The following INVS variants were observed in gnomAD, a reference collection of about 807,000 sequenced individuals.
INVS encodes inversin, also known as inversion of embryo turning homolog.
INVS carries 86 observed loss-of-function variants against 108.8 expected under a neutral mutation model. The ratio of observed to expected loss-of-function variants is 0.79; its 90% CI spans 0.66 to 0.95. The LOEUF (loss-of-function observed/expected upper bound fraction) is 0.95, where lower values mean the gene tolerates loss of function less well. INVS is among the 40% of genes least tolerant of loss of function. INVS has a pLI of 0.00. For missense variants in INVS, 1,169 were observed against 1,297.4 expected, an observed-to-expected ratio of 0.90 and a Z score of 1.52; for synonymous variants, 455 against 473.5, an observed-to-expected ratio of 0.96 and a Z score of 0.51.
At chr9:100,256,670 T>G (rs975530344) in intron 10 of INVS, among the ~76,000 whole-genome samples, 1 of 152,230 alleles carries the variant, frequency 6.6e-6, no homozygotes, top group Non-Finnish European at 1.5e-5. Flanking sequence ...CATTTTGTTA[T>G]GTACCCAGTA....
chr9:100,100,956 T>A (rs1307400815), intron 1 of INVS, among the ~76,000 whole-genome samples: 2 of 34,540 alleles, frequency 5.8e-5, no homozygotes, highest in South Asian at 1.2e-3. Context: ...ACATATATAT[T>A]ATATATATAA....
rs1364987913 is a variant in INVS at position 100,297,109 on chromosome 9, A to G, written c.2979A>G (p.Thr993=). ...PKSPSKGTSG[T]KSTKHSVLKQ... ...GTCCATCCAAGGGCACCTCAGGCACAAAGTCCACCAAGCACTCAGTGCTTA... is the reference window on the plus strand; with the variant it reads ...GTCCATCCAAGGGCACCTCAGGCACGAAGTCCACCAAGCACTCAGTGCTTA... The change falls in exon 15 of 17, where the codon ACA becomes ACG. Residue 993 remains threonine, a synonymous_variant. Transcript: ENST00000262457. 1.2e-6 allele frequency: 2 copies of G among 1,614,118 alleles called. No homozygotes were observed. The highest frequency in any genetic ancestry group is 1.1e-5 in the South Asian group (1 of 91,080).
At chr9:100,152,926 G>C (rs1310663254) in intron 3 of INVS, among the ~76,000 whole-genome samples, 1 of 151,970 alleles carries the variant, frequency 6.6e-6, no homozygotes, top group Non-Finnish European at 1.5e-5. Flanking sequence ...TGAAATATTA[G>C]ACTGTACTTT....
At chr9:100,213,375 CT>C (rs898788841) in intron 3 of INVS, among the ~76,000 whole-genome samples, 4 of 150,692 alleles carry the variant, frequency 2.7e-5, no homozygotes, top group South Asian at 2.1e-4. Context: ...TTTCTTTTTT[CT>C]TTTTTTTTAA....
chr9:100,220,206 T>TA (rs1287149777), intron 3 of INVS, among the ~76,000 whole-genome samples: 4 of 152,164 alleles, frequency 2.6e-5, no homozygotes, highest in Non-Finnish European at 1.5e-5. Flanking sequence ...CATTTTGACC[T>TA]AATTTGTTTC....
At chr9:100,147,642 A>T (rs148603142) in intron 3 of INVS, among the ~76,000 whole-genome samples, 1 of 152,144 alleles carries the variant, frequency 6.6e-6, no homozygotes, top group East Asian at 1.9e-4. Context: ...AATGATATAT[A>T]TAGAAGGTTT....
At chr9:100,147,024 T>C (rs1443980094) in intron 3 of INVS, among the ~76,000 whole-genome samples, 1 of 152,254 alleles carries the variant, frequency 6.6e-6, no homozygotes, top group Non-Finnish European at 1.5e-5. Flanking sequence ...GTGCTAAATA[T>C]ATGTTGGTTG....
At chr9:100,126,816 A>G (rs1332953327) in intron 3 of INVS, among the ~76,000 whole-genome samples, 1 of 152,202 alleles carries the variant, frequency 6.6e-6, no homozygotes, top group Non-Finnish European at 1.5e-5. Flanking sequence ...TATATATACA[A>G]TGTGATGAAA....
At chr9:100,164,494 A>G (rs1024507310) in intron 3 of INVS, among the ~76,000 whole-genome samples, 6 of 152,140 alleles carry the variant, frequency 3.9e-5, no homozygotes, top group African/African-American at 1.4e-4. Context: ...ATGACCCTCC[A>G]TGTATCATCA....
At chr9:100,163,257 A>G (rs1829250378) in intron 3 of INVS, among the ~76,000 whole-genome samples, 1 of 151,416 alleles carries the variant, frequency 6.6e-6, no homozygotes, top group Non-Finnish European at 1.5e-5. Flanking sequence ...AAACAGTCAA[A>G]TCACTTAGCT....
intron 5 of INVS, among the ~76,000 whole-genome samples, chr9:100,238,414 T>C (rs1196700283): frequency 2.2e-4 from 34 of 152,196 alleles, no homozygotes; most frequent in Admixed American, 2.2e-3. Context: ...ATTCTACAGT[T>C]TTACTACAGT....
Position 100,252,465 on chromosome 9 carries a change from A to C in INVS, c.1234+27A>C, listed in dbSNP as rs377720510. On this transcript the variant is annotated intron_variant, in intron 9 of 16. Transcript: ENST00000262457. Reference sequence around the variant, plus strand: ...TGGGCTAATAAGAGTACTCCTAATAAGTCTCTCTTAACAGGTAGGAATTCT... The same window carrying C: ...TGGGCTAATAAGAGTACTCCTAATACGTCTCTCTTAACAGGTAGGAATTCT... The C allele has an allele frequency of 2.8e-4, 455 of 1,602,280 alleles. No individual in the cohort carries two copies. The highest frequency in any genetic ancestry group is 3.7e-4 in the Non-Finnish European group (430 of 1,169,588).
intron 3 of INVS, among the ~76,000 whole-genome samples, chr9:100,183,942 A>ATAATACAT (rs1829977168): frequency 6.6e-6 from 1 of 152,058 alleles, no homozygotes; most frequent in South Asian, 2.1e-4. Context: ...AAATATAGGT[A>ATAATACAT]TAATACATAT....
chr9:100,247,114 A>G (rs577004621), intron 8 of INVS, among the ~76,000 whole-genome samples: 11 of 151,944 alleles, frequency 7.2e-5, no homozygotes, highest in Non-Finnish European at 1.0e-4. Context: ...CTTTAAAACT[A>G]TCCATATTTA....
chr9:100,225,413 A>G (rs575125903), intron 3 of INVS, among the ~76,000 whole-genome samples: 1 of 152,334 alleles, frequency 6.6e-6, no homozygotes, highest in East Asian at 1.9e-4. Flanking sequence ...TTTCTTTAAG[A>G]AAACTAATCA....
intron 13 of INVS, among the ~76,000 whole-genome samples, chr9:100,290,813 GCGAC>G (rs1230291476): frequency 6.6e-6 from 1 of 151,184 alleles, no homozygotes; most frequent in Admixed American, 6.6e-5. Flanking sequence ...CCAGCCTCAA[GCGAC>G]CTTTCACCTC....
intron 11 of INVS, 62 bp downstream of exon 11, chr9:100,264,990 T>A: frequency 3.7e-6 from 4 of 1,079,600 alleles, no homozygotes; most frequent in Non-Finnish European, 5.7e-6. Flanking sequence ...TCACTCAGGT[T>A]GGGTTGCAGT....
chr9:100,126,408 A>G lies in INVS; in HGVS notation c.132A>G (p.Glu44=), dbSNP rs757051290. The G allele has an allele frequency of 1.8e-5, 29 of 1,614,078 alleles. No individual in the cohort carries two copies. In the South Asian group the frequency reaches 3.1e-4, roughly 17 times the overall value. The change falls in exon 3 of 17, where the codon GAA becomes GAG. Residue 44 remains glutamate (E), a synonymous_variant. Transcript: ENST00000262457. ...GAAACTCTGCTCTTAAAGACAAAGA[A>G]GATCAGTTTGGGAGAACACCACTTA... The part of the protein sequence containing the change: ...IVGNSALKDK[E]DQFGRTPLMY...
At chr9:100,152,667 A>T (rs1227895146) in intron 3 of INVS, among the ~76,000 whole-genome samples, 1 of 152,208 alleles carries the variant, frequency 6.6e-6, no homozygotes, top group Non-Finnish European at 1.5e-5. Context: ...CAGGCATTAC[A>T]CTATATCTCA....
Sources: allele counts gnomAD v4.1 joint callset (sites outside exome capture counted in the v4.1 genomes callset), GRCh38; gene constraint gnomAD v4.1.1; transcripts MANE v1.5; gene names NCBI Gene and HGNC (gene_info 2026-07-23, HGNC 2026-07-21).